The following FSTL5 variants were observed in gnomAD, a reference collection of about 807,000 sequenced individuals.
The protein encoded by FSTL5 is follistatin-related protein 5.
In FSTL5, 62 loss-of-function variants were observed where a neutral mutation model predicts 89.1. The ratio of observed to expected loss-of-function variants is 0.70; its 90% CI spans 0.57 to 0.86. The LOEUF (loss-of-function observed/expected upper bound fraction) is 0.86. FSTL5 is among the 40% of genes least tolerant of loss of function. The pLI is 0.00. For synonymous variants in FSTL5, 383 were observed against 346.2 expected (o/e 1.11, Z -1.18); for missense variants, 1,057 against 1,001.6 (o/e 1.06, Z -0.75).
chr4:162,127,558 A>C (rs1732131003), intron 1 of FSTL5, among the ~76,000 whole-genome samples: 3 of 152,200 alleles, frequency 2.0e-5, no homozygotes, highest in African/African-American at 7.2e-5. Context: ...TATATCTTGC[A>C]ACCTTTGTTT....
chr4:161,854,924 A>T (rs1282263660), intron 4 of FSTL5, among the ~76,000 whole-genome samples: 1 of 152,020 alleles, frequency 6.6e-6, no homozygotes, highest in Non-Finnish European at 1.5e-5. Flanking sequence ...ACCTAATCAT[A>T]ATTAGTGTGT....
At chr4:162,148,229 A>C (rs1449958409) in intron 1 of FSTL5, among the ~76,000 whole-genome samples, 1 of 152,126 alleles carries the variant, frequency 6.6e-6, no homozygotes, top group East Asian at 1.9e-4. Flanking sequence ...TTGGTGAATA[A>C]ATTAGACAAT....
chr4:161,834,298 A>G (rs1425118625), intron 4 of FSTL5, among the ~76,000 whole-genome samples: 1 of 152,208 alleles, frequency 6.6e-6, no homozygotes, highest in African/African-American at 2.4e-5. Flanking sequence ...GATGGGACGT[A>G]TCTCAAAATA....
rs185586309 is a variant in FSTL5 at position 161,962,843 on chromosome 4, T to C, written c.161-42191A>G. ...AAAGAACTTTTATTTCTGAAGACACTGTAAGGACTAATTTAAATACATTCA... is the reference window on the plus strand; with the variant it reads ...AAAGAACTTTTATTTCTGAAGACACCGTAAGGACTAATTTAAATACATTCA... On this transcript the variant is annotated intron_variant, in intron 3 of 15. Coordinates refer to ENST00000306100, the MANE Select transcript of FSTL5 (RefSeq NM_020116.5). 3.3e-5 allele frequency among the ~76,000 whole-genome samples: 5 copies of C among 152,146 alleles called. No homozygotes were observed. The East Asian group carries it at 9.7e-4, about 29-fold the overall frequency.
At chr4:161,481,702 T>C (rs1003192980) in intron 12 of FSTL5, among the ~76,000 whole-genome samples, 20 of 152,336 alleles carry the variant, frequency 1.3e-4, no homozygotes, top group South Asian at 8.3e-4. Context: ...ATTTTATTTT[T>C]CAATCAAGGT....
At chr4:162,046,191 T>C (rs1738170501) in intron 2 of FSTL5, among the ~76,000 whole-genome samples, 1 of 152,164 alleles carries the variant, frequency 6.6e-6, no homozygotes, top group Non-Finnish European at 1.5e-5. Context: ...AGGGGTTAAC[T>C]ATAAATAACG....
intron 15 of FSTL5, among the ~76,000 whole-genome samples, chr4:161,410,404 C>T (rs576569613): frequency 6.6e-6 from 1 of 152,280 alleles, no homozygotes; most frequent in African/African-American, 2.4e-5. Context: ...ACACTCCACC[C>T]AACAATCACA....
At chr4:161,414,866 G>A (rs1731717450) in intron 15 of FSTL5, among the ~76,000 whole-genome samples, 1 of 152,170 alleles carries the variant, frequency 6.6e-6, no homozygotes, top group South Asian at 2.1e-4. Flanking sequence ...GTCTGGCTTT[G>A]AGTCCTGGTC....
At chr4:161,980,653 A>C (rs557062194) in intron 3 of FSTL5, among the ~76,000 whole-genome samples, 1 of 152,026 alleles carries the variant, frequency 6.6e-6, no homozygotes, top group South Asian at 2.1e-4. Flanking sequence ...TTATCTTCTA[A>C]CTTGATGTAA....
intron 3 of FSTL5, among the ~76,000 whole-genome samples, chr4:161,972,333 T>TA (rs1254981458): frequency 6.6e-6 from 1 of 152,066 alleles, no homozygotes; most frequent in Non-Finnish European, 1.5e-5. Flanking sequence ...CTCGGCCTCC[T>TA]AAAGTGCTGG....
intron 5 of FSTL5, among the ~76,000 whole-genome samples, chr4:161,766,763 G>C (rs893614829): frequency 6.6e-6 from 1 of 152,142 alleles, no homozygotes; most frequent in African/African-American, 2.4e-5. Context: ...GTGTAAGAAA[G>C]GTGTAGACAA....
chr4:162,099,701 T>C (rs1024093073), intron 2 of FSTL5, among the ~76,000 whole-genome samples: 2 of 152,120 alleles, frequency 1.3e-5, no homozygotes, highest in African/African-American at 4.8e-5. Flanking sequence ...ATCCAAAATA[T>C]ACAATGAACA....
intron 10 of FSTL5, among the ~76,000 whole-genome samples, chr4:161,521,591 C>G (rs570685317): frequency 2.0e-5 from 3 of 152,072 alleles, no homozygotes; most frequent in African/African-American, 7.2e-5. Flanking sequence ...GCTCATGCCT[C>G]TAACCCCAGC....
Position 161,696,958 on chromosome 4 carries a change from T to C in FSTL5, c.728-40464A>G, listed in dbSNP as rs78477957. ...CCCTTTGTTTCTTTCTCTTGTCTGA[T>C]TTTTCTGGCTAGGACTTCTAGTACT... On this transcript the variant is annotated intron_variant, in intron 6 of 15. Coordinates refer to ENST00000306100, the MANE Select transcript of FSTL5 (RefSeq NM_020116.5). Among the ~76,000 whole-genome samples, 726 of 152,330 alleles carry C rather than the reference T, an allele frequency of 4.8e-3. 5 individuals are homozygous for C. The highest frequency in any genetic ancestry group is 7.9e-3 in the Non-Finnish European group (536 of 68,020).
At chr4:161,387,629 A>G (rs1292608310) in intron 15 of FSTL5, 1 of 152,042 alleles carries the variant, frequency 6.6e-6, no homozygotes, top group African/African-American at 2.4e-5. Context: ...GTCAGCATTT[A>G]GCAAGCTCAA....
chr4:162,033,648 T>C lies in FSTL5; in HGVS notation c.137A>G (p.Asn46Ser). The change falls in exon 3 of 16, where the codon AAT (asparagine) becomes AGT (serine). Residue 46 changes from asparagine (N) to serine (S), a missense_variant. This residue lies in a region of FSTL5 where 980 missense variants were observed against 903.2 expected (regional missense o/e 1.08). Coordinates refer to ENST00000306100, the MANE Select transcript of FSTL5 (RefSeq NM_020116.5). ...LMRLRHKQEK[N>S]QESSRVKGFM... ...ACCTTTGACTCTTGAACTTTCTTGA[T>C]TTTTTTCCTGCTGGAAATAAAACAG... 2 of 1,489,726 alleles carry C rather than the reference T, an allele frequency of 1.3e-6. No individual in the cohort carries two copies. The highest frequency in any genetic ancestry group is 1.2e-5 in the South Asian group (1 of 82,614). 92.3% of individuals were successfully genotyped at this position (1,489,726 alleles called of 1,614,324 possible).
chr4:161,613,178 C>T (rs991805465), intron 7 of FSTL5, among the ~76,000 whole-genome samples: 1 of 152,106 alleles, frequency 6.6e-6, no homozygotes, highest in East Asian at 1.9e-4. Context: ...AGCAGCCAGG[C>T]GCGGTGGTTC....
At chr4:161,408,747 G>A (rs974935113) in intron 15 of FSTL5, among the ~76,000 whole-genome samples, 1 of 152,118 alleles carries the variant, frequency 6.6e-6, no homozygotes, top group African/African-American at 2.4e-5. Flanking sequence ...TGAGCTTCTT[G>A]AGCTAAAAAA....
intron 2 of FSTL5, among the ~76,000 whole-genome samples, chr4:162,101,407 G>T (rs1730992702): frequency 6.6e-6 from 1 of 152,102 alleles, no homozygotes; most frequent in South Asian, 2.1e-4. Context: ...AATGTGCATT[G>T]TTCATTGTTA....
Sources: allele counts gnomAD v4.1 joint callset (sites outside exome capture counted in the v4.1 genomes callset), GRCh38; gene constraint gnomAD v4.1.1; regional missense constraint gnomAD v4.1.1; transcripts MANE v1.5; gene names NCBI Gene and HGNC (gene_info 2026-07-23, HGNC 2026-07-21).